The following GNG4 variants were observed in gnomAD, a reference collection of about 807,000 sequenced individuals.
GNG4 encodes the protein G protein subunit gamma 4.
In GNG4, 4 loss-of-function variants were observed where a neutral mutation model predicts 5.8. The ratio of observed to expected loss-of-function variants is 0.69; its 90% CI spans 0.34 to 1.57. The LOEUF is 1.57. Among genes scored for constraint, GNG4 ranks in the 40% most tolerant of loss-of-function variants. The pLI is 0.06. For missense variants in GNG4, 96 were observed against 95.1 expected (o/e 1.01, Z -0.04); for synonymous variants, 29 against 32.9 (o/e 0.88, Z 0.41).
chr1:235,570,797 G>T (rs1404916130), intron 3 of GNG4, among the ~76,000 whole-genome samples: 2 of 151,696 alleles, frequency 1.3e-5, no homozygotes, highest in African/African-American at 4.8e-5. Context: ...CCAGGTTTAG[G>T]TGATCCTCCC....
intron 1 of GNG4, among the ~76,000 whole-genome samples, chr1:235,640,583 C>A (rs935274893): frequency 1.3e-5 from 2 of 152,270 alleles, no homozygotes; most frequent in African/African-American, 2.4e-5. Flanking sequence ...TACAGTGAAC[C>A]TGCCAGACCA....
intron 3 of GNG4, among the ~76,000 whole-genome samples, chr1:235,582,150 C>T (rs1349841750): frequency 1.3e-5 from 2 of 152,162 alleles, no homozygotes; most frequent in South Asian, 2.1e-4. Flanking sequence ...ACACTGTACC[C>T]GATTTCTGCC....
chr1:235,593,591 T>TA lies in GNG4; in HGVS notation c.-11+1808dup, dbSNP rs899412786. On this transcript the variant is annotated intron_variant, in intron 2 of 3. Coordinates refer to ENST00000391854, the MANE Select transcript of GNG4 (RefSeq NM_001098722.2). Reference sequence around the variant, plus strand: ...AGCTGCGGACCCGCGCCGTGAGTGTTACAATTCTCAATTCTTAAAGGCGGC... The same window carrying TA: ...AGCTGCGGACCCGCGCCGTGAGTGTTAACAATTCTCAATTCTTAAAGGCGGC... 2.0e-5 allele frequency among the ~76,000 whole-genome samples: 3 copies of TA among 152,226 alleles called. No homozygotes were observed. The East Asian group carries it at 5.8e-4, about 29-fold the overall frequency.
chr1:235,640,790 G>A (rs1368629816), intron 1 of GNG4, among the ~76,000 whole-genome samples: 2 of 152,184 alleles, frequency 1.3e-5, no homozygotes, highest in African/African-American at 4.8e-5. Flanking sequence ...TTGCCCGGTG[G>A]GCCAGAGCTC....
chr1:235,579,862 A>AAAAAAAAAAAAAAT (rs57019025), intron 3 of GNG4, among the ~76,000 whole-genome samples: 17,726 of 107,270 alleles, frequency 0.17, 2,344 homozygotes, highest in African/African-American at 0.22. Flanking sequence ...CAAAAAAAAA[A>AAAAAAAAAAAAAAT]AGGTAAAAAG....
chr1:235,579,157 T>C (rs1165350957), intron 3 of GNG4, among the ~76,000 whole-genome samples: 1 of 151,706 alleles, frequency 6.6e-6, no homozygotes, highest in Non-Finnish European at 1.5e-5. Flanking sequence ...TTGCACATCA[T>C]GGTGACTACA....
rs978957841 is a variant in GNG4 at position 235,648,507 on chromosome 1, C to T, written c.-123+1155G>A. Among the ~76,000 whole-genome samples the T allele has an allele frequency of 2.0e-5, 3 of 152,228 alleles. No homozygotes were observed. The highest frequency in any genetic ancestry group is 4.4e-5 in the Non-Finnish European group (3 of 68,044). On this transcript the variant is annotated intron_variant, in intron 1 of 3. Transcript: ENST00000391854. The surrounding 1 kb of genome is among the most constrained non-coding windows in gnomAD (Gnocchi z 5.0). Reference sequence around the variant, plus strand: ...AGATCAGATGGCGGCTGGTTCCCCTCCCCCGCCTCATACAAAAATCAGGAA... The same window carrying T: ...AGATCAGATGGCGGCTGGTTCCCCTTCCCCGCCTCATACAAAAATCAGGAA...
At chr1:235,641,229 T>C (rs1657317140) in intron 1 of GNG4, among the ~76,000 whole-genome samples, 1 of 150,808 alleles carries the variant, frequency 6.6e-6, no homozygotes, top group Non-Finnish European at 1.5e-5. Context: ...CTACAAAAAG[T>C]TTTAAAAGAA....
At chr1:235,579,573 G>A (rs73118782) in intron 3 of GNG4, among the ~76,000 whole-genome samples, 22,247 of 151,922 alleles carry the variant, frequency 0.15, 1,815 homozygotes, top group Middle Eastern at 0.23. Flanking sequence ...ACATAAGGCC[G>A]GGCATGGTGG....
rs14326 is a variant in GNG4, at chr1:235,552,223, A to G, written c.114T>C (p.Ala38=). Residue 38 remains alanine, a synonymous_variant, in exon 4 of 4, where the codon GCT becomes GCC. Coordinates refer to ENST00000391854, the MANE Select transcript of GNG4 (RefSeq NM_001098722.2). ...CMDRVKVSQA[A]ADLLAYCEAH... is the part of the protein sequence containing the mutation. ...CTTCACAGTAGGCCAGGAGGTCCGCAGCTGCCTGGGAGACCTGTGAGGGCA... is the reference window on the plus strand; with the variant it reads ...CTTCACAGTAGGCCAGGAGGTCCGCGGCTGCCTGGGAGACCTGTGAGGGCA... 0.54 allele frequency: 876,561 copies of G among 1,611,776 alleles called. 243,126 individuals are homozygous for G. Among genetic ancestry groups the G allele is most frequent in the East Asian group, 0.83 (37,324 of 44,856 alleles).
chr1:235,592,571 C>T (rs1687998089), intron 2 of GNG4, among the ~76,000 whole-genome samples: 1 of 152,098 alleles, frequency 6.6e-6, no homozygotes, highest in African/African-American at 2.4e-5. Flanking sequence ...CAAGCCAGAG[C>T]TAACATTTTT....
chr1:235,642,202 G>A lies in GNG4; in HGVS notation c.-123+7460C>T, dbSNP rs570180591. On this transcript the variant is annotated intron_variant, in intron 1 of 3. Coordinates refer to ENST00000391854, the MANE Select transcript of GNG4 (RefSeq NM_001098722.2). This position sits in a 1 kb window ranked among gnomAD's most constrained non-coding sequence, Gnocchi z 4.3. ...GGTGGAAGAACCCGAGCGAGGCCCG[G>A]CAGGGGCGGGGTGAGCCTTGGCCCC... Among the ~76,000 whole-genome samples, 1 of 152,352 alleles carries A rather than the reference G, an allele frequency of 6.6e-6. No homozygotes were observed. The highest frequency in any genetic ancestry group is 2.1e-4 in the South Asian group (1 of 4,832).
chr1:235,594,425 T>G (rs1408326007), intron 2 of GNG4, among the ~76,000 whole-genome samples: 1 of 152,216 alleles, frequency 6.6e-6, no homozygotes, highest in East Asian at 1.9e-4. Context: ...TCCCATGCCA[T>G]GCGCCCACAC....
rs7524940 is a variant in GNG4, at chr1:235,548,480, G to A, written c.*3629C>T. On this transcript the variant is annotated 3_prime_UTR_variant, in exon 4 of 4. Transcript: ENST00000391854. ...GCCTTGCTGTATGACTACCAACCCC[G>A]GACCACGGTGGCTTCCTTGAAATGA... 84,143 of 152,160 alleles carry A rather than the reference G, an allele frequency of 0.55. 24,018 individuals carry two copies. The highest frequency in any genetic ancestry group is 0.83 in the East Asian group (4,292 of 5,166). The allele number at this position is 152,160 out of a possible 1,614,324, so 9.4% of individuals were successfully genotyped here.
At chr1:235,622,235 G>A (rs1429554097) in intron 1 of GNG4, among the ~76,000 whole-genome samples, 1 of 152,100 alleles carries the variant, frequency 6.6e-6, no homozygotes, top group Non-Finnish European at 1.5e-5. Flanking sequence ...ATTTAGAAGT[G>A]TGTTGTTAGA....
At chr1:235,598,180 C>T (rs890426870) in intron 1 of GNG4, among the ~76,000 whole-genome samples, 1 of 152,222 alleles carries the variant, frequency 6.6e-6, no homozygotes, top group African/African-American at 2.4e-5. Flanking sequence ...GAGACTAAGG[C>T]CCTGCTCTAC....
chr1:235,636,614 G>A (rs551515416), intron 1 of GNG4, among the ~76,000 whole-genome samples: 2 of 152,260 alleles, frequency 1.3e-5, no homozygotes, highest in Middle Eastern at 3.4e-3. Flanking sequence ...CAGGGCAATT[G>A]CCTGTGCCCT....
chr1:235,621,605 G>A (rs1688712969), intron 1 of GNG4, among the ~76,000 whole-genome samples: 1 of 150,806 alleles, frequency 6.6e-6, no homozygotes, highest in South Asian at 2.1e-4. Flanking sequence ...AAAAAAAGTT[G>A]TCCGATATTT....
chr1:235,600,099 GC>G (rs1688222169), intron 1 of GNG4, among the ~76,000 whole-genome samples: 1 of 51,418 alleles, frequency 1.9e-5, no homozygotes, highest in Non-Finnish European at 4.2e-5. Context: ...GCGGAAGAAA[GC>G]TTTTTTTTTT....
Sources: gnomAD v4.1 joint callset for allele counts (sites outside exome capture counted in the v4.1 genomes callset) on GRCh38, gnomAD v4.1.1 for gene constraint, Gnocchi (gnomAD v3.1) non-coding constraint, MANE v1.5 for transcripts, NCBI Gene and HGNC (gene_info 2026-07-23, HGNC 2026-07-21) for gene names.